The following EGF variants were observed in gnomAD, a reference collection of about 807,000 sequenced individuals.
EGF encodes epidermal growth factor, also known as pro-epidermal growth factor.
Under a neutral mutation model 143.8 loss-of-function variants are expected in EGF, and 95 were observed. That is an observed-to-expected ratio of 0.66 (90% CI 0.56 to 0.78). The LOEUF is 0.78. EGF is among the 30% of genes least tolerant of loss of function. The probability of loss-of-function intolerance (pLI) is 0.00; values close to 1 mark genes in which losing one functional copy is unlikely to be tolerated. For missense variants in EGF, 1,320 were observed against 1,470.9 expected, an observed-to-expected ratio of 0.90 and a Z score of 1.68; for synonymous variants, 510 against 510.5, an observed-to-expected ratio of 1.00 and a Z score of 0.01.
intron 9 of EGF, among the ~76,000 whole-genome samples, chr4:109,963,956 G>A (rs186352448): frequency 1.3e-5 from 2 of 152,104 alleles, no homozygotes; most frequent in Admixed American, 6.6e-5. Flanking sequence ...AAATTATCAA[G>A]GGTCTTGCTA....
intron 16 of EGF, among the ~76,000 whole-genome samples, chr4:109,983,858 T>A (rs1749742083): frequency 1.3e-5 from 2 of 152,214 alleles, no homozygotes; most frequent in Non-Finnish European, 1.5e-5. Context: ...ACCCCTGATA[T>A]TTTTGGTATT....
intron 1 of EGF, among the ~76,000 whole-genome samples, chr4:109,931,556 T>C (rs1022117563): frequency 2.0e-5 from 3 of 152,194 alleles, no homozygotes; most frequent in African/African-American, 4.8e-5. Context: ...CACCTACTAG[T>C]GGTGGGACTT....
At position 109,949,646 on chromosome 4, in the gene EGF, A is replaced by AT. The variant is rs534729634; in HGVS notation, c.940+4378dup. On this transcript the variant is annotated intron_variant, in intron 5 of 23. Transcript: ENST00000265171. ...TTTTTTTTTTTTGAGCTCTAGACAA[A>AT]TTTTTTTAAAAAAAGGACTCAGGCA... is the stretch of plus-strand genomic sequence containing the variant. Among the ~76,000 whole-genome samples the AT allele has an allele frequency of 6.7e-3, 1,019 of 151,142 alleles. 16 individuals carry two copies. Among genetic ancestry groups the AT allele is most frequent in the African/African-American group, 0.023 (962 of 41,146 alleles).
chr4:109,975,489 CA>C (rs1169321220), intron 12 of EGF, among the ~76,000 whole-genome samples: 1 of 151,722 alleles, frequency 6.6e-6, no homozygotes, highest in Non-Finnish European at 1.5e-5. Flanking sequence ...ATATTGACTT[CA>C]AAAAAAATGT....
At chr4:110,009,094 G>A (rs959067780) in intron 23 of EGF, among the ~76,000 whole-genome samples, 6 of 152,054 alleles carry the variant, frequency 3.9e-5, no homozygotes, top group African/African-American at 1.4e-4. Flanking sequence ...AAGAACATAG[G>A]CTTCTTGTTT....
chr4:109,938,411 T>C (rs1400930966), intron 1 of EGF, among the ~76,000 whole-genome samples: 4 of 152,226 alleles, frequency 2.6e-5, no homozygotes, highest in African/African-American at 9.6e-5. Flanking sequence ...GTTATCCATT[T>C]GTCTCACCTT....
At chr4:109,963,964 C>A (rs1380631047) in intron 9 of EGF, among the ~76,000 whole-genome samples, 1 of 152,150 alleles carries the variant, frequency 6.6e-6, no homozygotes, top group Non-Finnish European at 1.5e-5. Context: ...AAGGGTCTTG[C>A]TATTAACTCA....
rs1481086598 is a variant in EGF at position 109,993,951 on chromosome 4, A to G, written c.2857+582A>G. On this transcript the variant is annotated intron_variant, in intron 19 of 23. Coordinates refer to ENST00000265171, the MANE Select transcript of EGF (RefSeq NM_001963.6). The stretch of plus-strand genomic sequence containing the variant: ...GGAGACCAGGATGGGGGTCTTTCCC[A>G]TCACTGCCCACTTTTTGCCTGTCAG... Among the ~76,000 whole-genome samples, 46 of 151,796 alleles carry G rather than the reference A, an allele frequency of 3.0e-4. 1 individual carries two copies. Among genetic ancestry groups the G allele is most frequent in the Admixed American group, 2.8e-3 (43 of 15,236 alleles).
chr4:109,960,852 G>A lies in EGF; in HGVS notation c.1067-15G>A, dbSNP rs759395812. 6 of 1,613,650 alleles carry A rather than the reference G, an allele frequency of 3.7e-6. No individual in the cohort carries two copies. In the African/African-American group the frequency reaches 5.3e-5, roughly 14 times the overall value. ...AATAGCCATTTGAATGTATTGTGCT[G>A]TTGTCATTGTGCAGATGTTAATGAA... On this transcript the variant is annotated splice_polypyrimidine_tract_variant and intron_variant, in intron 6 of 23. Transcript: ENST00000265171.
At chr4:109,974,852 G>A (rs1464959837) in intron 12 of EGF, 45 bp downstream of exon 12, 1 of 1,481,092 alleles carries the variant, frequency 6.8e-7, no homozygotes, top group African/African-American at 1.4e-5. Flanking sequence ...GAGGTCATGT[G>A]ACAGTTCATG....
At chr4:109,920,730 A>G (rs1737628812) in intron 1 of EGF, among the ~76,000 whole-genome samples, 2 of 151,676 alleles carry the variant, frequency 1.3e-5, no homozygotes, top group Non-Finnish European at 2.9e-5. Flanking sequence ...AGAAACAACA[A>G]CAGCAACTAC....
intron 1 of EGF, among the ~76,000 whole-genome samples, chr4:109,925,092 A>G (rs1370097399): frequency 6.6e-6 from 1 of 152,238 alleles, no homozygotes; most frequent in Non-Finnish European, 1.5e-5. Flanking sequence ...GAAAAAAGTC[A>G]GAAGCCTCTC....
intron 22 of EGF, 115 bp from the exon 23 acceptor site, chr4:110,008,037 A>T: frequency 1.0e-6 from 1 of 960,878 alleles, no homozygotes; most frequent in Non-Finnish European, 1.7e-6. Flanking sequence ...CTTTCTTCTG[A>T]CTTTCACTTT....
chr4:109,998,554 G>C lies in EGF; in HGVS notation c.3006-1125G>C, dbSNP rs562745213. On this transcript the variant is annotated intron_variant, in intron 20 of 23. Transcript: ENST00000265171. ...GCCACCAAAAATAAAATAAGTAAAA[G>C]TGCCTAGCAGGATGTCAAACACACA... 6.3e-4 allele frequency among the ~76,000 whole-genome samples: 96 copies of C among 152,288 alleles called. 1 individual carries two copies. Among genetic ancestry groups the C allele is most frequent in the South Asian group, 3.9e-3 (19 of 4,820 alleles).
At chr4:109,929,493 T>G (rs1739309274) in intron 1 of EGF, among the ~76,000 whole-genome samples, 1 of 152,188 alleles carries the variant, frequency 6.6e-6, no homozygotes, top group African/African-American at 2.4e-5. Flanking sequence ...CATTAAAGAC[T>G]GAGAAGTCCT....
intron 11 of EGF, among the ~76,000 whole-genome samples, chr4:109,971,262 A>G (rs1270353315): frequency 6.6e-6 from 1 of 152,228 alleles, no homozygotes; most frequent in Non-Finnish European, 1.5e-5. Flanking sequence ...TGGTTGACTC[A>G]GAGTCATGTG....
intron 1 of EGF, among the ~76,000 whole-genome samples, chr4:109,914,902 G>A (rs1235608654): frequency 1.3e-5 from 2 of 152,198 alleles, no homozygotes; most frequent in Admixed American, 1.3e-4. Context: ...GTTGGGCACT[G>A]TCATTTGCAT....
chr4:109,955,243 G>A (rs1744608905), intron 5 of EGF, among the ~76,000 whole-genome samples: 1 of 152,096 alleles, frequency 6.6e-6, no homozygotes, highest in African/African-American at 2.4e-5. Flanking sequence ...TTATTGAAGG[G>A]GCAGTTGGTG....
rs1750930225 is a variant in EGF at position 109,991,491 on chromosome 4, G to A, written c.2735-1756G>A. ...AGAATAATGTGGCACTGGTGTTTAGGCATGGCGCGGAGGAAACATGGGATC... is the reference window on the plus strand; with the variant it reads ...AGAATAATGTGGCACTGGTGTTTAGACATGGCGCGGAGGAAACATGGGATC... On this transcript the variant is annotated intron_variant, in intron 18 of 23. Coordinates refer to ENST00000265171, the MANE Select transcript of EGF (RefSeq NM_001963.6). Among the ~76,000 whole-genome samples the A allele has an allele frequency of 3.3e-5, 5 of 152,258 alleles. No homozygotes were observed. The South Asian group carries it at 1.0e-3, about 32-fold the overall frequency.
Sources: allele counts gnomAD v4.1 joint callset (sites outside exome capture counted in the v4.1 genomes callset), GRCh38; gene constraint gnomAD v4.1.1; transcripts MANE v1.5; gene names NCBI Gene and HGNC (gene_info 2026-07-23, HGNC 2026-07-21).